TCF12: variants seen among roughly 807,000 people sequenced by gnomAD.
TCF12 encodes the protein transcription factor 12.
Under a neutral mutation model 86.0 loss-of-function variants are expected in TCF12, and 45 were observed. That is an observed-to-expected ratio of 0.52 (90% CI 0.41 to 0.67). The LOEUF (loss-of-function observed/expected upper bound fraction) is 0.67, where lower values mean the gene tolerates loss of function less well. Among genes scored for constraint, TCF12 ranks in the 30% least tolerant of loss-of-function variants. TCF12 has a pLI of 0.00. For synonymous variants in TCF12, 330 were observed against 299.6 expected (o/e 1.10, Z -1.05); for missense variants, 881 against 859.9 (o/e 1.02, Z -0.31).
chr15:57,107,654 G>C (rs1156560892), intron 5 of TCF12, among the ~76,000 whole-genome samples: 2 of 152,076 alleles, frequency 1.3e-5, no homozygotes, highest in Non-Finnish European at 2.9e-5. Flanking sequence ...CAGAGGCCAG[G>C]GCAGGAGGAT....
intron 3 of TCF12, among the ~76,000 whole-genome samples, chr15:56,960,787 T>A (rs558291405): frequency 2.6e-5 from 4 of 152,238 alleles, no homozygotes; most frequent in Admixed American, 2.6e-4. Flanking sequence ...CTCTCTTTAA[T>A]CATGATTCTT....
chr15:57,122,410 T>G (rs1456354970), intron 5 of TCF12, among the ~76,000 whole-genome samples: 1 of 152,214 alleles, frequency 6.6e-6, no homozygotes, highest in Non-Finnish European at 1.5e-5. Context: ...AACTACAGTT[T>G]GTTCAGCACA....
At chr15:57,128,418 T>C (rs1374417471) in intron 5 of TCF12, among the ~76,000 whole-genome samples, 1 of 152,232 alleles carries the variant, frequency 6.6e-6, no homozygotes, top group East Asian at 1.9e-4. Context: ...CATTTAATCT[T>C]CATAACACTA....
At chr15:57,104,394 A>T (rs1343540344) in intron 5 of TCF12, among the ~76,000 whole-genome samples, 1 of 151,190 alleles carries the variant, frequency 6.6e-6, no homozygotes, top group African/African-American at 2.4e-5. Context: ...ATTCTTCAGC[A>T]GGATTCCCTG....
chr15:56,926,621 A>G (rs190354873), intron 3 of TCF12, among the ~76,000 whole-genome samples: 91 of 152,352 alleles, frequency 6.0e-4, no homozygotes, highest in African/African-American at 2.1e-3. Flanking sequence ...GGGCCTGTAC[A>G]GTTCAGAGAG....
chr15:56,962,458 C>A (rs1202281393), intron 3 of TCF12, among the ~76,000 whole-genome samples: 8 of 152,108 alleles, frequency 5.3e-5, no homozygotes. Flanking sequence ...TGTTGGACAG[C>A]TTCCTTTGAA....
intron 18 of TCF12, among the ~76,000 whole-genome samples, chr15:57,265,855 ATGTGT>A (rs1449869678): frequency 1.3e-5 from 2 of 152,144 alleles, no homozygotes. Context: ...AACGTGACTA[ATGTGT>A]TGTGCTGCAG....
rs556423840 is a variant in TCF12 at position 56,991,071 on chromosome 15, C to T, written c.148+69973C>T. On this transcript the variant is annotated intron_variant, in intron 3 of 20. Coordinates refer to ENST00000333725, the MANE Select transcript of TCF12 (RefSeq NM_207037.2). ...TCAGCCTCCCAAAGTGCTGACATTA[C>T]AGACGCGAGCCACTGTGCCTGGCCA... Among the ~76,000 whole-genome samples, 4 of 152,280 alleles carry T rather than the reference C, an allele frequency of 2.6e-5. No homozygotes were observed. The South Asian group carries it at 6.2e-4, about 24-fold the overall frequency.
chr15:57,094,688 G>A (rs2049203673), intron 5 of TCF12, among the ~76,000 whole-genome samples: 1 of 152,226 alleles, frequency 6.6e-6, no homozygotes, highest in Non-Finnish European at 1.5e-5. Flanking sequence ...TAACAGTTGA[G>A]AGTGGTGCTG....
intron 4 of TCF12, among the ~76,000 whole-genome samples, chr15:57,069,623 T>A (rs1484101823): frequency 1.3e-5 from 2 of 152,146 alleles, no homozygotes; most frequent in Non-Finnish European, 2.9e-5. Flanking sequence ...GGTGTAGATT[T>A]GTGCTGTATG....
intron 3 of TCF12, among the ~76,000 whole-genome samples, chr15:57,060,740 T>C (rs1191181681): frequency 1.3e-5 from 2 of 152,248 alleles, no homozygotes; most frequent in East Asian, 1.9e-4. Flanking sequence ...TTCTTGTCAA[T>C]AGGTATTTTT....
intron 3 of TCF12, among the ~76,000 whole-genome samples, chr15:56,928,997 A>G (rs755145427): frequency 3.0e-4 from 46 of 152,346 alleles, no homozygotes; most frequent in Middle Eastern, 6.8e-3. Context: ...AGTGAGTGGA[A>G]GAAATTGTAT....
At position 57,223,643 on chromosome 15, in the gene TCF12, G is replaced by GTTTTTTGTTTTTT. The variant is rs1456806093; in HGVS notation, c.580-7503_580-7502insGTTTTTTTTTTTT. Among the ~76,000 whole-genome samples, 2 of 69,666 alleles carry GTTTTTTGTTTTTT rather than the reference G, an allele frequency of 2.9e-5. 1 individual carries two copies. Among genetic ancestry groups the GTTTTTTGTTTTTT allele is most frequent in the Non-Finnish European group, 5.6e-5 (2 of 35,988 alleles). The allele number at this position is 69,666 out of a possible 152,430, so 45.7% of individuals were successfully genotyped here. ...GTTTTGGCACCTGCCTACCAATGAG[G>GTTTTTTGTTTTTT]TTTTTTTTTTTTTTTTTTTTTTTTT... On this transcript the variant is annotated intron_variant, in intron 8 of 20. Coordinates refer to ENST00000333725, the MANE Select transcript of TCF12 (RefSeq NM_207037.2).
intron 15 of TCF12, among the ~76,000 whole-genome samples, chr15:57,252,820 A>T (rs1341164064): frequency 6.6e-6 from 1 of 151,960 alleles, no homozygotes; most frequent in African/African-American, 2.4e-5. Flanking sequence ...TATAAGTTAC[A>T]TGTGCTTTAT....
intron 6 of TCF12, 150 bp from the exon 7 acceptor site, chr15:57,192,008 A>G (rs2151709694): frequency 1.3e-6 from 1 of 759,962 alleles, no homozygotes; most frequent in Admixed American, 2.8e-5. Context: ...GGCTGAAAGC[A>G]GTGGTCTAAT....
intron 5 of TCF12, among the ~76,000 whole-genome samples, chr15:57,135,424 G>A (rs549536428): frequency 5.3e-5 from 8 of 152,118 alleles, no homozygotes; most frequent in Non-Finnish European, 1.2e-4. Flanking sequence ...AAGTCATGGT[G>A]TATATAAGCT....
chr15:57,229,054 A>G (rs1303045592), intron 8 of TCF12, among the ~76,000 whole-genome samples: 1 of 151,914 alleles, frequency 6.6e-6, no homozygotes, highest in Non-Finnish European at 1.5e-5. Context: ...TTTGATTCAC[A>G]TTGTACTTTC....
chr15:56,951,949 T>G (rs2061295431), intron 3 of TCF12, among the ~76,000 whole-genome samples: 1 of 152,118 alleles, frequency 6.6e-6, no homozygotes, highest in African/African-American at 2.4e-5. Flanking sequence ...CACACGGCCT[T>G]ACTTTTAGAA....
rs564523759 is a variant in TCF12, at chr15:57,280,634, C to G, written c.1979-1811C>G. ...CTGGTAGTCCCAGCTTTTTGACAGG[C>G]TGAGGTGGGAGGATCCTTTCAGCCC... On this transcript the variant is annotated intron_variant, in intron 19 of 20. Coordinates refer to ENST00000333725, the MANE Select transcript of TCF12 (RefSeq NM_207037.2). Among the ~76,000 whole-genome samples the G allele has an allele frequency of 1.2e-3, 180 of 152,244 alleles. 1 individual carries two copies. Among genetic ancestry groups the G allele is most frequent in the African/African-American group, 4.1e-3 (170 of 41,536 alleles).
Sources: allele counts gnomAD v4.1 joint callset (sites outside exome capture counted in the v4.1 genomes callset), GRCh38; gene constraint gnomAD v4.1.1; transcripts MANE v1.5; gene names NCBI Gene and HGNC (gene_info 2026-07-23, HGNC 2026-07-21).